Variants in REDIC1 observed in about 807,000 individuals in gnomAD.
REDIC1 encodes the protein HEI10 Interacting Protein 1.
chr12:39,669,094 G>A, the REDIC1 span, among the ~76,000 whole-genome samples: 3 of 152,324 alleles, frequency 2.0e-5, no homozygotes, highest in East Asian at 5.8e-4. Flanking sequence ...CCTTGCTGGT[G>A]AGGAGCTGCG....
chr12:39,864,012 T>A, the REDIC1 span, among the ~76,000 whole-genome samples: 1 of 152,368 alleles, frequency 6.6e-6, no homozygotes, highest in Admixed American at 6.5e-5. Context: ...TCTATCTATA[T>A]GTTTTAAAGG....
chr12:39,812,398 CTTT>C, the REDIC1 span, among the ~76,000 whole-genome samples: 1 of 111,384 alleles, frequency 9.0e-6, no homozygotes, highest in Non-Finnish European at 1.8e-5. Flanking sequence ...TTCTCTCTCT[CTTT>C]CTTCCTTCCT....
chr12:39,712,958 CATAT>C, the REDIC1 span, among the ~76,000 whole-genome samples: 1 of 99,512 alleles, frequency 1.0e-5, no homozygotes, highest in Admixed American at 1.0e-4. Context: ...TACATATATG[CATAT>C]ACGTGTATAT....
At chr12:39,828,030 A>C in the REDIC1 span, among the ~76,000 whole-genome samples, 1 of 152,122 alleles carries the variant, frequency 6.6e-6, no homozygotes, top group Non-Finnish European at 1.5e-5. Flanking sequence ...ATTCCAGGTA[A>C]TTGTATAAAA....
the REDIC1 span, among the ~76,000 whole-genome samples, chr12:39,860,757 G>T: frequency 6.6e-6 from 1 of 152,004 alleles, no homozygotes; most frequent in African/African-American, 2.4e-5. Context: ...AATACACTGA[G>T]AATCTGTCTA....
the REDIC1 span, chr12:39,646,757 A>G: frequency 2.2e-6 from 2 of 906,248 alleles, no homozygotes; most frequent in Non-Finnish European, 3.3e-6. Flanking sequence ...TTTTGTGTAG[A>G]ACAGTATGAA....
At chr12:39,656,808 G>A in the REDIC1 span, among the ~76,000 whole-genome samples, 1 of 152,218 alleles carries the variant, frequency 6.6e-6, no homozygotes, top group African/African-American at 2.4e-5. Flanking sequence ...AAGGTTAAAA[G>A]TAAGGAAAAC....
the REDIC1 span, among the ~76,000 whole-genome samples, chr12:39,895,667 T>C: frequency 5.4e-5 from 8 of 148,836 alleles, 2 homozygotes; most frequent in African/African-American, 2.0e-4. Context: ...CATATGTATA[T>C]GCGTGTATAC....
At chr12:39,647,258 C>A in the REDIC1 span, among the ~76,000 whole-genome samples, 10 of 151,932 alleles carry the variant, frequency 6.6e-5, no homozygotes, top group Non-Finnish European at 1.5e-4. Context: ...GATGTCCAAC[C>A]CTCACGTGGA....
the REDIC1 span, among the ~76,000 whole-genome samples, chr12:39,810,925 A>G: frequency 6.6e-6 from 1 of 152,140 alleles, no homozygotes; most frequent in Non-Finnish European, 1.5e-5. Context: ...GGTAATGAAG[A>G]TAAAACCAAC....
the REDIC1 span, among the ~76,000 whole-genome samples, chr12:39,715,636 A>G: frequency 6.6e-6 from 1 of 152,028 alleles, no homozygotes; most frequent in Admixed American, 6.6e-5. Flanking sequence ...CTAAGCAAAG[A>G]TAACAAATCT....
the REDIC1 span, among the ~76,000 whole-genome samples, chr12:39,698,726 GCACCTGAATGA>G: frequency 1.3e-5 from 2 of 152,162 alleles, no homozygotes; most frequent in Non-Finnish European, 2.9e-5. Context: ...TAAACAGTAT[GCACCTGAATGA>G]CCAGTGGGTC....
chr12:39,652,972 A>C, the REDIC1 span, among the ~76,000 whole-genome samples: 1 of 150,358 alleles, frequency 6.7e-6, no homozygotes, highest in East Asian at 1.9e-4. Context: ...TTAGTCCAAC[A>C]TTTTTTTTTC....
chr12:39,719,055 T>C, the REDIC1 span, among the ~76,000 whole-genome samples: 1 of 152,138 alleles, frequency 6.6e-6, no homozygotes, highest in South Asian at 2.1e-4. Context: ...ACATTTTCCT[T>C]CACAAGTTTC....
At chr12:39,708,910 A>T in the REDIC1 span, among the ~76,000 whole-genome samples, 1 of 151,866 alleles carries the variant, frequency 6.6e-6, no homozygotes, top group Non-Finnish European at 1.5e-5. Context: ...AAAAGTTTTA[A>T]TTTTTACTGG....
At chr12:39,895,246 A>T in the REDIC1 span, among the ~76,000 whole-genome samples, 2 of 151,778 alleles carry the variant, frequency 1.3e-5, no homozygotes, top group Non-Finnish European at 2.9e-5. Flanking sequence ...TAAGTCATTT[A>T]AAAAAAGGCC....
the REDIC1 span, among the ~76,000 whole-genome samples, chr12:39,804,606 AATTT>A: frequency 6.6e-6 from 1 of 152,168 alleles, no homozygotes; most frequent in South Asian, 2.1e-4. Context: ...CAGATTGGTT[AATTT>A]ATTTATTCAA....
chr12:39,716,702 T>C, the REDIC1 span: 1 of 1,274,312 alleles, frequency 7.8e-7, no homozygotes, highest in Non-Finnish European at 1.1e-6. Context: ...GGCATATGTA[T>C]GTTGTAGATT....
chr12:39,730,799 A>G, the REDIC1 span, among the ~76,000 whole-genome samples: 1 of 152,080 alleles, frequency 6.6e-6, no homozygotes, highest in South Asian at 2.1e-4. Flanking sequence ...AATCAAATGT[A>G]GGTTTGGTCT....
Sources: gnomAD v4.1 joint callset for allele counts (sites outside exome capture counted in the v4.1 genomes callset) on GRCh38, gnomAD v4.1.1 for gene constraint, MANE v1.5 for transcripts, NCBI Gene and HGNC (gene_info 2026-07-23, HGNC 2026-07-21) for gene names.